The following GPRC6A variants were observed in gnomAD, a reference collection of about 807,000 sequenced individuals.
GPRC6A encodes G protein-coupled receptor family C group 6 member A.
Under a neutral mutation model 47.0 loss-of-function variants are expected in GPRC6A, and 54 were observed. The ratio of observed to expected loss-of-function variants is 1.15; its 90% CI spans 0.92 to 1.44. The LOEUF (loss-of-function observed/expected upper bound fraction) is 1.44, where lower values mean the gene tolerates loss of function less well. Among genes scored for constraint, GPRC6A ranks in the 40% most tolerant of loss-of-function variants. GPRC6A has a pLI of 0.00. For synonymous variants in GPRC6A, 347 were observed against 377.1 expected, an observed-to-expected ratio of 0.92 and a Z score of 0.93; for missense variants, 1,112 against 1,105.5, an observed-to-expected ratio of 1.01 and a Z score of -0.08.
At position 116,792,657 on chromosome 6, in the gene GPRC6A, G is replaced by A; in HGVS notation, c.2266C>T (p.Leu756=). 1 of 1,613,558 alleles carries A rather than the reference G, an allele frequency of 6.2e-7. No homozygotes were observed. Among genetic ancestry groups the A allele is most frequent in the Non-Finnish European group, 8.5e-7 (1 of 1,179,654 alleles). ...EGSILAFGTM[L]GYIAILAFIC... Reference sequence around the variant, plus strand: ...AAGGCCAGGATGGCAATGTAGCCCAGCATGGTGCCAAATGCAAGTATGGAT... The same window carrying A: ...AAGGCCAGGATGGCAATGTAGCCCAACATGGTGCCAAATGCAAGTATGGAT... The change falls in exon 6 of 6, where the codon CTG becomes TTG. Residue 756 remains leucine, a synonymous_variant. Coordinates refer to ENST00000310357, the MANE Select transcript of GPRC6A (RefSeq NM_148963.4).
chr6:116,809,925 C>G (rs1322263365), intron 1 of GPRC6A, among the ~76,000 whole-genome samples: 1 of 152,016 alleles, frequency 6.6e-6, no homozygotes, highest in Admixed American at 6.6e-5. Flanking sequence ...AGTTAGAGAT[C>G]AGCATTTTAT....
chr6:116,824,599 T>C (rs1029054874), intron 1 of GPRC6A, among the ~76,000 whole-genome samples: 1 of 151,802 alleles, frequency 6.6e-6, no homozygotes, highest in Non-Finnish European at 1.5e-5. Context: ...AAATCAGTAA[T>C]AAAAAGCCCC....
chr6:116,822,126 G>A (rs1327677528), intron 1 of GPRC6A, among the ~76,000 whole-genome samples: 7 of 144,252 alleles, frequency 4.9e-5, no homozygotes, highest in South Asian at 4.5e-4. Flanking sequence ...ATCATCACTG[G>A]CCATCAGAGA....
intron 5 of GPRC6A, among the ~76,000 whole-genome samples, chr6:116,793,896 A>G (rs902880489): frequency 2.0e-5 from 3 of 152,210 alleles, no homozygotes; most frequent in Non-Finnish European, 4.4e-5. Flanking sequence ...TCTCTTTCTA[A>G]AAGTGAGATA....
intron 1 of GPRC6A, among the ~76,000 whole-genome samples, chr6:116,813,436 G>A (rs535107872): frequency 2.6e-5 from 4 of 152,052 alleles, no homozygotes; most frequent in Non-Finnish European, 5.9e-5. Context: ...CAGAACAGCG[G>A]CCTCAGGAAT....
At chr6:116,823,099 G>T (rs924897352) in intron 1 of GPRC6A, among the ~76,000 whole-genome samples, 3 of 151,846 alleles carry the variant, frequency 2.0e-5, no homozygotes, top group African/African-American at 4.8e-5. Flanking sequence ...TTGTTTGTTT[G>T]TTTGTTTTTT....
At chr6:116,824,883 A>T (rs1320760494) in intron 1 of GPRC6A, among the ~76,000 whole-genome samples, 1 of 152,066 alleles carries the variant, frequency 6.6e-6, no homozygotes, top group East Asian at 1.9e-4. Context: ...CGTCACAAAG[A>T]TAATACACCA....
upstream of GPRC6A, chr6:116,829,193 A>G: frequency 3.8e-6 from 1 of 261,020 alleles, no homozygotes; most frequent in African/African-American, 2.3e-5. Flanking sequence ...CACCAATAAG[A>G]ACACAGGCTT....
At chr6:116,809,985 T>C (rs1772973718) in intron 1 of GPRC6A, among the ~76,000 whole-genome samples, 1 of 152,170 alleles carries the variant, frequency 6.6e-6, no homozygotes, top group Non-Finnish European at 1.5e-5. Context: ...CTTTTAGTTT[T>C]CTGATTCTAG....
intron 1 of GPRC6A, among the ~76,000 whole-genome samples, chr6:116,820,897 T>C (rs922712522): frequency 1.3e-5 from 2 of 151,946 alleles, no homozygotes; most frequent in Non-Finnish European, 2.9e-5. Context: ...GGTATTCAAT[T>C]AGGAAAAGAG....
chr6:116,799,128 G>A (rs1021325802), intron 4 of GPRC6A, among the ~76,000 whole-genome samples: 2 of 152,240 alleles, frequency 1.3e-5, no homozygotes, highest in East Asian at 3.9e-4. Flanking sequence ...TTTATTGAGA[G>A]GTGAGTAGGT....
In GPRC6A at chr6:116,806,512, A is replaced by T. The variant is rs1184983122; in HGVS notation, c.1193T>A (p.Met398Lys). The T allele has an allele frequency of 1.2e-6, 2 of 1,613,486 alleles. No individual in the cohort carries two copies. The highest frequency in any genetic ancestry group is 2.2e-5 in the East Asian group (1 of 44,870). ...ANKAIERNFV[M>K]RNDFLWDYAE... Reference sequence around the variant, plus strand: ...ATAGTCCCAGAGGAAGTCATTTCTCATGACGAAGTTCCTTTCTATAGCCTT... The same window carrying T: ...ATAGTCCCAGAGGAAGTCATTTCTCTTGACGAAGTTCCTTTCTATAGCCTT... The change falls in exon 3 of 6, where the codon ATG (methionine) becomes AAG (lysine). Residue 398 changes from methionine to lysine, a missense_variant. Met to Lys is a moderately conservative substitution (Grantham distance 95). Coordinates refer to ENST00000310357, the MANE Select transcript of GPRC6A (RefSeq NM_148963.4).
chr6:116,812,143 T>C (rs1285261930), intron 1 of GPRC6A, among the ~76,000 whole-genome samples: 2 of 152,106 alleles, frequency 1.3e-5, no homozygotes, highest in Non-Finnish European at 2.9e-5. Flanking sequence ...TAGTCACCTC[T>C]AAAGGAAATC....
At position 116,792,137 on chromosome 6, in the gene GPRC6A, C is replaced by T; in HGVS notation, c.*5G>A. On this transcript the variant is annotated 3_prime_UTR_variant, in exon 6 of 6. Transcript: ENST00000310357. ...TTCTGGAATGTGGCATCTCCTAAGG[C>T]TTATTCATATACTTGACATTCTTTT... The T allele has an allele frequency of 6.2e-7, 1 of 1,607,552 alleles. No homozygotes were observed. The highest frequency in any genetic ancestry group is 8.5e-7 in the Non-Finnish European group (1 of 1,176,374).
At chr6:116,808,826 A>T (rs1414781767) in intron 2 of GPRC6A, among the ~76,000 whole-genome samples, 1 of 151,366 alleles carries the variant, frequency 6.6e-6, no homozygotes, top group Non-Finnish European at 1.5e-5. Flanking sequence ...GTGCTGTGAT[A>T]TCTGATTTTT....
chr6:116,806,895 C>G lies in GPRC6A; in HGVS notation c.810G>C (p.Gln270His), dbSNP rs138837265. Reference sequence around the variant, plus strand: ...TCAGAAATACCACAATGACATTAACCTGGGCTTCTAAAATGATTTTCTTCA... The same window carrying G: ...TCAGAAATACCACAATGACATTAACGTGGGCTTCTAAAATGATTTTCTTCA... Reference protein sequence around the residue: ...RTLKKIILEAQVNVIVVFLRQ... With the variant: ...RTLKKIILEAHVNVIVVFLRQ... The change falls in exon 3 of 6, where the codon CAG becomes CAC. Residue 270 changes from glutamine (Q) to histidine (H), a missense_variant. Gln to His is a conservative substitution (Grantham distance 24, BLOSUM62 0). Transcript: ENST00000310357. The G allele has an allele frequency of 1.2e-5, 20 of 1,613,620 alleles. No homozygotes were observed. In the African/African-American group the frequency reaches 1.9e-4, roughly 15 times the overall value.
intron 1 of GPRC6A, among the ~76,000 whole-genome samples, chr6:116,813,922 C>A (rs553409639): frequency 6.6e-6 from 1 of 151,836 alleles, no homozygotes; most frequent in East Asian, 1.9e-4. Context: ...GAAAAAACAA[C>A]CCCTTCAAAA....
chr6:116,826,451 A>C (rs1261781643), intron 1 of GPRC6A, among the ~76,000 whole-genome samples: 1 of 152,054 alleles, frequency 6.6e-6, no homozygotes, highest in Admixed American at 6.6e-5. Flanking sequence ...ATCACTAATC[A>C]TCAAAGAAAT....
chr6:116,805,621 C>CA (rs35820076), intron 3 of GPRC6A, among the ~76,000 whole-genome samples: 47,706 of 151,760 alleles, frequency 0.31, 8,067 homozygotes, highest in East Asian at 0.53. Context: ...TTTGAGAAAG[C>CA]ACAATGGAAA....
Sources: allele counts gnomAD v4.1 joint callset (sites outside exome capture counted in the v4.1 genomes callset), GRCh38; gene constraint gnomAD v4.1.1; transcripts MANE v1.5; gene names NCBI Gene and HGNC (gene_info 2026-07-23, HGNC 2026-07-21).